The following CNOT2 variants were observed in gnomAD, a reference collection of about 807,000 sequenced individuals.
The protein encoded by CNOT2 is CCR4-NOT transcription complex subunit 2, also known as CC chemokine receptor 4-negative regulator of transcription 2.
A neutral mutation model predicts 72.1 loss-of-function variants in CNOT2; 7 were observed. The observed-to-expected ratio is 0.10, with a 90% confidence interval of 0.06 to 0.18. The LOEUF (loss-of-function observed/expected upper bound fraction) is 0.18. Ranked by LOEUF, CNOT2 falls within the 10% of genes least tolerant of loss-of-function variation. The pLI, the probability that CNOT2 is intolerant of heterozygous loss-of-function variation, is 1.00. For missense variants in CNOT2, 345 were observed against 660.3 expected (o/e 0.52, Z 5.23); for synonymous variants, 196 against 225.6 (o/e 0.87, Z 1.17).
At chr12:70,333,359 G>A (rs1397764454) in intron 7 of CNOT2, among the ~76,000 whole-genome samples, 1 of 151,864 alleles carries the variant, frequency 6.6e-6, no homozygotes, top group Admixed American at 6.6e-5. Flanking sequence ...ATAAAATTTA[G>A]TTACATGGAA....
chr12:70,325,883 A>T (rs1238314628), intron 4 of CNOT2, among the ~76,000 whole-genome samples: 1 of 151,730 alleles, frequency 6.6e-6, no homozygotes, highest in African/African-American at 2.4e-5. Flanking sequence ...ATATTCAGGG[A>T]TTTGGTTGCT....
chr12:70,294,256 C>T (rs1281725391), intron 2 of CNOT2: 1 of 1,289,258 alleles, frequency 7.8e-7, no homozygotes, highest in Non-Finnish European at 1.0e-6. Flanking sequence ...CTGAGCTTTC[C>T]AATCCCCAGA....
At chr12:70,247,498 G>C (rs1957935189) in intron 1 of CNOT2, among the ~76,000 whole-genome samples, 1 of 152,068 alleles carries the variant, frequency 6.6e-6, no homozygotes, top group Non-Finnish European at 1.5e-5. Flanking sequence ...GTATGTGTGT[G>C]GGGGGCAGGT....
intron 2 of CNOT2, among the ~76,000 whole-genome samples, chr12:70,305,873 G>GTTTTTTTTTTTTTTTTTTTTTTTT (rs11412509): frequency 1.0e-4 from 6 of 60,070 alleles, no homozygotes; most frequent in African/African-American, 2.0e-4. Context: ...TCTGAAGTTT[G>GTTTTTTTTTTTTTTTTTTTTTTTT]TTTTTTTTTT....
chr12:70,351,642 A>T (rs117926974), intron 15 of CNOT2, among the ~76,000 whole-genome samples: 1 of 152,352 alleles, frequency 6.6e-6, no homozygotes, highest in East Asian at 1.9e-4. Flanking sequence ...ATCAATGTGA[A>T]AAATTTTAGT....
chr12:70,305,873 G>GTTTTTTTT lies in CNOT2; in HGVS notation c.49-5008_49-5001dup, dbSNP rs11412509. ...TTCTTGGTTATTTTATCTGAAGTTT[G>GTTTTTTTT]TTTTTTTTTTTTTTTTTTTTTGGTA... On this transcript the variant is annotated intron_variant, in intron 2 of 15. Coordinates refer to ENST00000229195, the MANE Select transcript of CNOT2 (RefSeq NM_014515.7). Among the ~76,000 whole-genome samples the GTTTTTTTT allele has an allele frequency of 1.4e-3, 85 of 60,060 alleles. 1 individual carries two copies. Among genetic ancestry groups the GTTTTTTTT allele is most frequent in the Middle Eastern group, 0.026 (1 of 38 alleles). 39.4% of individuals were successfully genotyped at this position (60,060 alleles called of 152,430 possible). A position where few individuals can be genotyped will look rare whatever the true frequency, so the allele number is the denominator to read the frequency against.
chr12:70,319,094 C>T, intron 3 of CNOT2: 1 of 393,058 alleles, frequency 2.5e-6, no homozygotes, highest in Non-Finnish European at 4.5e-6. Flanking sequence ...AAATTAATTT[C>T]ATTTCTACAG....
chr12:70,314,159 T>C (rs560419150), intron 3 of CNOT2, among the ~76,000 whole-genome samples: 1 of 152,314 alleles, frequency 6.6e-6, no homozygotes, highest in East Asian at 1.9e-4. Context: ...ATTTTTCAGA[T>C]TGGTTTTTAC....
rs551682357 is a variant in CNOT2 at position 70,290,009 on chromosome 12, T to G, written c.48+11735T>G. ...GTTAAGTTACTTATAATAGAAGCCATTTGATCTTTGAGACATCCTTTTCTT... is the reference window on the plus strand; with the variant it reads ...GTTAAGTTACTTATAATAGAAGCCAGTTGATCTTTGAGACATCCTTTTCTT... On this transcript the variant is annotated intron_variant, in intron 2 of 15. Coordinates refer to ENST00000229195, the MANE Select transcript of CNOT2 (RefSeq NM_014515.7). Among the ~76,000 whole-genome samples the G allele has an allele frequency of 7.9e-5, 12 of 152,292 alleles. No individual in the cohort carries two copies. In the East Asian group the frequency reaches 1.9e-3, roughly 24 times the overall value.
intron 2 of CNOT2, among the ~76,000 whole-genome samples, chr12:70,283,225 C>G (rs1281861651): frequency 2.6e-5 from 4 of 151,944 alleles, no homozygotes; most frequent in Non-Finnish European, 4.4e-5. Flanking sequence ...ACAAACAGTA[C>G]CAGCACCAAA....
intron 2 of CNOT2, among the ~76,000 whole-genome samples, chr12:70,309,457 A>G (rs1244995196): frequency 6.6e-6 from 1 of 152,152 alleles, no homozygotes; most frequent in Non-Finnish European, 1.5e-5. Flanking sequence ...TATAAGAAAT[A>G]TTAAACAGCA....
intron 2 of CNOT2, among the ~76,000 whole-genome samples, chr12:70,302,767 T>C (rs1874309585): frequency 6.6e-6 from 1 of 152,202 alleles, no homozygotes; most frequent in Non-Finnish European, 1.5e-5. Flanking sequence ...TTCCTGGATA[T>C]CCTTGTTAAC....
chr12:70,288,472 A>G (rs987395419), intron 2 of CNOT2, among the ~76,000 whole-genome samples: 3 of 152,132 alleles, frequency 2.0e-5, no homozygotes, highest in South Asian at 4.1e-4. Context: ...TTTAAGGTAC[A>G]TGATTTATAA....
At chr12:70,293,806 G>A (rs1377949281) in intron 2 of CNOT2, among the ~76,000 whole-genome samples, 1 of 151,832 alleles carries the variant, frequency 6.6e-6, no homozygotes, top group Non-Finnish European at 1.5e-5. Context: ...ACAAGGAGTG[G>A]ATAGGCACAA....
At position 70,268,100 on chromosome 12, in the gene CNOT2, G is replaced by A. The variant is rs75892401; in HGVS notation, c.-95-10032G>A. Among the ~76,000 whole-genome samples, 255 of 152,102 alleles carry A rather than the reference G, an allele frequency of 1.7e-3. 2 individuals carry two copies. The highest frequency in any genetic ancestry group is 5.8e-3 in the African/African-American group (240 of 41,494). On this transcript the variant is annotated intron_variant, in intron 1 of 15. Transcript: ENST00000229195. ...TTCATAAAACTCTAAGTTTTCTACCGGTATTATTTTCATTTTGTCCAAAGA... is the reference window on the plus strand; with the variant it reads ...TTCATAAAACTCTAAGTTTTCTACCAGTATTATTTTCATTTTGTCCAAAGA...
In CNOT2 at chr12:70,330,407, C is replaced by G; in HGVS notation, c.507C>G (p.Ser169Arg). 19 of 1,612,574 alleles carry G rather than the reference C, an allele frequency of 1.2e-5. No homozygotes were observed. The highest frequency in any genetic ancestry group is 1.5e-5 in the Non-Finnish European group (18 of 1,179,048). ...CAGGGTTAGGTAGCCCCAACAGAAG[C>G]TCGCCAAGCATAATATGTATGCCAA... is the stretch of plus-strand genomic sequence containing the variant. ...SSSGLGSPNR[S>R]SPSIICMPKQ... Residue 169 changes from serine (S) to arginine (R), a missense_variant, in exon 6 of 16, where the codon AGC becomes AGG. Physicochemically the swap from Ser to Arg is moderately radical, Grantham distance 110 (BLOSUM62 -1). This residue lies in a region of CNOT2 where 157 missense variants were observed against 235.3 expected (regional missense o/e 0.67). Coordinates refer to ENST00000229195, the MANE Select transcript of CNOT2 (RefSeq NM_014515.7).
chr12:70,245,285 A>G (rs1044478082), intron 1 of CNOT2, among the ~76,000 whole-genome samples: 27 of 152,154 alleles, frequency 1.8e-4, no homozygotes, highest in Non-Finnish European at 8.8e-5. Flanking sequence ...AACATGTTCC[A>G]CTCTACTCAC....
At chr12:70,294,188 T>TG (rs1352953856) in intron 2 of CNOT2, 11 of 1,289,394 alleles carry the variant, frequency 8.5e-6, no homozygotes, top group Non-Finnish European at 1.0e-5. Context: ...GCTCCTAGGG[T>TG]GGGGCTGGTG....
chr12:70,244,882 G>A (rs753517217), intron 1 of CNOT2, among the ~76,000 whole-genome samples: 1 of 152,170 alleles, frequency 6.6e-6, no homozygotes, highest in Non-Finnish European at 1.5e-5. Flanking sequence ...TTAGAGCTCG[G>A]AATCATAAGT....
Sources: gnomAD v4.1 joint callset for allele counts (sites outside exome capture counted in the v4.1 genomes callset) on GRCh38, gnomAD v4.1.1 for gene constraint, gnomAD v4.1.1 regional missense constraint, MANE v1.5 for transcripts, NCBI Gene and HGNC (gene_info 2026-07-23, HGNC 2026-07-21) for gene names.